Variants in BCAS4 observed in about 807,000 individuals in gnomAD.
BCAS4 encodes breast carcinoma-amplified sequence 4.
Under a neutral mutation model 15.7 loss-of-function variants are expected in BCAS4, and 9 were observed. The observed-to-expected ratio is 0.57, with a 90% CI of 0.34 to 1.00. The LOEUF is 1.00. Among genes scored for constraint, BCAS4 ranks in the 50% least tolerant of loss-of-function variants. The pLI is 0.02. For synonymous variants in BCAS4, 101 were observed against 99.5 expected, an observed-to-expected ratio of 1.02 and a Z score of -0.09; for missense variants, 225 against 239.1, an observed-to-expected ratio of 0.94 and a Z score of 0.39.
chr20:50,864,438 G>GTTTTTT (rs1568684273), intron 4 of BCAS4, among the ~76,000 whole-genome samples: 1 of 138,512 alleles, frequency 7.2e-6, no homozygotes, highest in Admixed American at 7.4e-5. Context: ...GATCATGATT[G>GTTTTTT]ATTTTTTTTT....
At chr20:50,874,086 C>T (rs924208967) in intron 4 of BCAS4, among the ~76,000 whole-genome samples, 2 of 152,124 alleles carry the variant, frequency 1.3e-5, no homozygotes, top group Non-Finnish European at 2.9e-5. Flanking sequence ...TCTCCACTGT[C>T]GCCCCTAGAG....
intron 4 of BCAS4, among the ~76,000 whole-genome samples, chr20:50,873,579 C>T (rs6020817): frequency 0.47 from 71,044 of 152,202 alleles, 20,014 homozygotes; most frequent in African/African-American, 0.81. Flanking sequence ...AAATTCCACA[C>T]CTGTGGGTTA....
chr20:50,848,654 G>T (rs928328472), intron 4 of BCAS4, among the ~76,000 whole-genome samples: 2 of 152,368 alleles, frequency 1.3e-5, no homozygotes, highest in South Asian at 4.1e-4. Flanking sequence ...CTCGTTCTCT[G>T]CTCTGAGCTC....
At chr20:50,801,589 C>T (rs1043560974) in intron 1 of BCAS4, among the ~76,000 whole-genome samples, 1 of 152,152 alleles carries the variant, frequency 6.6e-6, no homozygotes, top group Non-Finnish European at 1.5e-5. Flanking sequence ...AATCTGCCCA[C>T]CTCAGCCTCC....
intron 4 of BCAS4, among the ~76,000 whole-genome samples, chr20:50,853,966 A>C (rs1978616011): frequency 6.6e-6 from 1 of 152,096 alleles, no homozygotes; most frequent in Non-Finnish European, 1.5e-5. Flanking sequence ...GGAGTCCATA[A>C]ATTGCCAGCT....
At chr20:50,838,025 ACGTGGCTGATT>A (rs1372964541) in intron 3 of BCAS4, among the ~76,000 whole-genome samples, 3 of 149,990 alleles carry the variant, frequency 2.0e-5, no homozygotes, top group Non-Finnish European at 4.4e-5. Context: ...CACACACATG[ACGTGGCTGATT>A]CAGCCTTTCA....
chr20:50,831,124 G>A (rs2088338433), intron 3 of BCAS4, among the ~76,000 whole-genome samples: 1 of 152,022 alleles, frequency 6.6e-6, no homozygotes, highest in Non-Finnish European at 1.5e-5. Context: ...CATTCTTGCA[G>A]TGTTCTTGCA....
chr20:50,811,096 G>A (rs1299975648), intron 1 of BCAS4, among the ~76,000 whole-genome samples: 2 of 152,190 alleles, frequency 1.3e-5, no homozygotes, highest in Non-Finnish European at 2.9e-5. Context: ...GCTGTGGGTG[G>A]GGACGAGCAA....
intron 3 of BCAS4, among the ~76,000 whole-genome samples, chr20:50,838,433 G>A (rs1004861060): frequency 1.3e-5 from 2 of 152,198 alleles, no homozygotes; most frequent in African/African-American, 2.4e-5. Context: ...AGACAGACTC[G>A]GCGCAGTGGC....
intron 4 of BCAS4, among the ~76,000 whole-genome samples, chr20:50,860,379 G>A (rs1979007328): frequency 6.6e-6 from 1 of 152,162 alleles, no homozygotes; most frequent in African/African-American, 2.4e-5. Flanking sequence ...CAGGTCCCCT[G>A]TGCTGTCCTT....
chr20:50,852,936 T>G (rs569157938), intron 4 of BCAS4, among the ~76,000 whole-genome samples: 1 of 152,096 alleles, frequency 6.6e-6, no homozygotes, highest in African/African-American at 2.4e-5. Flanking sequence ...ATCAAGGATG[T>G]GAGGGGTGCC....
intron 1 of BCAS4, among the ~76,000 whole-genome samples, chr20:50,815,557 T>C (rs2088126675): frequency 6.6e-6 from 1 of 152,154 alleles, no homozygotes; most frequent in Non-Finnish European, 1.5e-5. Flanking sequence ...TAATTTAATT[T>C]TGGGGTTGGG....
chr20:50,805,976 C>CAA (rs3068943), intron 1 of BCAS4, among the ~76,000 whole-genome samples: 18,210 of 121,566 alleles, frequency 0.15, 1,274 homozygotes, highest in Admixed American at 0.17. Context: ...GACTCCATCT[C>CAA]AAAAAAAAAA....
chr20:50,834,040 C>T (rs1458219569), intron 3 of BCAS4, among the ~76,000 whole-genome samples: 2 of 151,966 alleles, frequency 1.3e-5, no homozygotes, highest in African/African-American at 4.8e-5. Context: ...GCACCTGGGG[C>T]CTGGGAGGAG....
At chr20:50,864,708 A>G (rs981189424) in intron 4 of BCAS4, among the ~76,000 whole-genome samples, 3 of 151,994 alleles carry the variant, frequency 2.0e-5, no homozygotes, top group Non-Finnish European at 4.4e-5. Flanking sequence ...CTCTCAAAGT[A>G]GCATTATTGA....
chr20:50,827,885 C>T (rs1009473274), intron 2 of BCAS4, among the ~76,000 whole-genome samples: 1 of 152,140 alleles, frequency 6.6e-6, no homozygotes, highest in African/African-American at 2.4e-5. Context: ...CGCCACCATG[C>T]CCAGCTAACT....
intron 4 of BCAS4, among the ~76,000 whole-genome samples, chr20:50,867,517 T>C (rs762484759): frequency 1.3e-5 from 2 of 151,738 alleles, no homozygotes; most frequent in African/African-American, 2.4e-5. Flanking sequence ...CAGCTAATTT[T>C]TTTGGGTTTT....
At position 50,876,884 on chromosome 20, in the gene BCAS4, C is replaced by T. The variant is rs917831134; in HGVS notation, c.*276C>T. The T allele has an allele frequency of 7.6e-6, 2 of 263,782 alleles. No individual in the cohort carries two copies. The highest frequency in any genetic ancestry group is 2.3e-5 in the African/African-American group (1 of 44,190). 16.3% of individuals were successfully genotyped at this position (263,782 alleles called of 1,614,324 possible). A position where few individuals can be genotyped will look rare whatever the true frequency, so the allele number is the denominator to read the frequency against. On this transcript the variant is annotated 3_prime_UTR_variant, in exon 5 of 5. Transcript: ENST00000371608. ...ATTTCCTCCCTGCCTCATGTGAGAC[C>T]ACAGGGTTTGGAGAAGCAGTTGGAA...
chr20:50,851,434 G>C lies in BCAS4; in HGVS notation c.399+9534G>C, dbSNP rs562278591. Among the ~76,000 whole-genome samples, 3 of 152,294 alleles carry C rather than the reference G, an allele frequency of 2.0e-5. No individual in the cohort carries two copies. Among genetic ancestry groups the C allele is most frequent in the South Asian group, 4.1e-4 (2 of 4,830 alleles). On this transcript the variant is annotated intron_variant, in intron 4 of 4. Transcript: ENST00000371608. The surrounding 1 kb of genome is among the most constrained non-coding windows in gnomAD (Gnocchi z 4.3). ...GGTGGAGTGCTATAGGGGGACGGAGGGTTCCTGGCAGGCTGGTTTGGGAAT... is the reference window on the plus strand; with the variant it reads ...GGTGGAGTGCTATAGGGGGACGGAGCGTTCCTGGCAGGCTGGTTTGGGAAT...
Sources: allele counts gnomAD v4.1 joint callset (sites outside exome capture counted in the v4.1 genomes callset), GRCh38; gene constraint gnomAD v4.1.1; non-coding constraint Gnocchi (gnomAD v3.1); transcripts MANE v1.5; gene names NCBI Gene and HGNC (gene_info 2026-07-23, HGNC 2026-07-21).